FIRRM: variants seen among roughly 807,000 people sequenced by gnomAD.
FIRRM encodes the protein FIGNL1-interacting regulator of recombination and mitosis.
At chr1:169,842,035 G>A in the FIRRM span, among the ~76,000 whole-genome samples, 14 of 152,044 alleles carry the variant, frequency 9.2e-5, no homozygotes, top group Non-Finnish European at 2.1e-4. Context: ...AAATTAGCTC[G>A]TGTGGTGGTA....
At chr1:169,803,059 A>G in the FIRRM span, 1 of 929,990 alleles carries the variant, frequency 1.1e-6, no homozygotes, top group Non-Finnish European at 1.6e-6. Context: ...GAAAAGAGGA[A>G]GAGACTGTGT....
the FIRRM span, chr1:169,794,772 C>G: frequency 1.5e-5 from 3 of 201,240 alleles, no homozygotes; most frequent in Non-Finnish European, 3.1e-5. Context: ...GACTTCTGGC[C>G]CTCACCTCCC....
At chr1:169,852,609 T>TAAACC in the FIRRM span, 18 of 624,382 alleles carry the variant, frequency 2.9e-5, no homozygotes, top group Admixed American at 5.0e-4. Flanking sequence ...ATTGCTATGA[T>TAAACC]AAACCAAAAT....
At chr1:169,793,937 T>A in the FIRRM span, 2 of 385,704 alleles carry the variant, frequency 5.2e-6, no homozygotes, top group East Asian at 4.3e-5. Context: ...AAAATGATGA[T>A]TAAAGCAAAA....
At chr1:169,830,637 A>C in the FIRRM span, 1 of 1,512,922 alleles carries the variant, frequency 6.6e-7, no homozygotes, top group Non-Finnish European at 9.2e-7. Context: ...ATGCAAGTTC[A>C]TCTCCTTATG....
the FIRRM span, chr1:169,826,032 T>G: frequency 3.7e-6 from 1 of 270,874 alleles, no homozygotes; most frequent in Non-Finnish European, 7.8e-6. Context: ...AACTGAGTAT[T>G]AATTCATAGT....
the FIRRM span, among the ~76,000 whole-genome samples, chr1:169,799,326 C>T: frequency 4.6e-5 from 7 of 152,136 alleles, no homozygotes; most frequent in Non-Finnish European, 1.0e-4. Flanking sequence ...TCTAAATTGC[C>T]AAAAGCTGAT....
At chr1:169,811,250 T>C in the FIRRM span, among the ~76,000 whole-genome samples, 1 of 152,224 alleles carries the variant, frequency 6.6e-6, no homozygotes, top group Non-Finnish European at 1.5e-5. Context: ...TTCCTACTTA[T>C]GTTTATATAA....
chr1:169,795,151 T>C, the FIRRM span: 3 of 1,536,026 alleles, frequency 2.0e-6, no homozygotes, highest in Non-Finnish European at 2.6e-6. Context: ...CCTGGAAGAA[T>C]TAAGTAGCTG....
chr1:169,819,426 C>G, the FIRRM span, among the ~76,000 whole-genome samples: 2 of 152,188 alleles, frequency 1.3e-5, no homozygotes, highest in African/African-American at 4.8e-5. Flanking sequence ...TATACCAAAG[C>G]TCTGTGAAGT....
the FIRRM span, chr1:169,827,862 A>G: frequency 6.2e-7 from 1 of 1,612,438 alleles, no homozygotes; most frequent in African/African-American, 1.3e-5. Context: ...GTTTTTATCC[A>G]GTCATATTAC....
At chr1:169,829,434 A>G in the FIRRM span, 1 of 1,611,588 alleles carries the variant, frequency 6.2e-7, no homozygotes, top group Non-Finnish European at 8.5e-7. Context: ...TTCATCCCTC[A>G]CTGTTTGCTG....
At chr1:169,798,931 C>A in the FIRRM span, 2 of 1,331,032 alleles carry the variant, frequency 1.5e-6, no homozygotes, top group Non-Finnish European at 2.1e-6. Flanking sequence ...ATTGTCTCAA[C>A]ATTCTGACAG....
the FIRRM span, chr1:169,830,604 C>A: frequency 8.1e-7 from 1 of 1,241,978 alleles, no homozygotes; most frequent in Non-Finnish European, 1.2e-6. Flanking sequence ...TTTTAATGTC[C>A]TCATCAGAAT....
chr1:169,789,811 A>C, the FIRRM span, among the ~76,000 whole-genome samples: 9 of 152,216 alleles, frequency 5.9e-5, no homozygotes, highest in African/African-American at 2.2e-4. Flanking sequence ...ATTTTTAACA[A>C]AAGTGAGCAG....
the FIRRM span, among the ~76,000 whole-genome samples, chr1:169,820,971 T>C: frequency 2.0e-5 from 3 of 152,228 alleles, no homozygotes; most frequent in African/African-American, 4.8e-5. Context: ...ATATGTCACA[T>C]TGCATACCTA....
chr1:169,806,330 A>G, the FIRRM span, among the ~76,000 whole-genome samples: 1 of 152,258 alleles, frequency 6.6e-6, no homozygotes, highest in South Asian at 2.1e-4. Context: ...TTCAGAAATA[A>G]TGGGCCATGG....
the FIRRM span, chr1:169,800,982 A>G: frequency 1.9e-5 from 27 of 1,395,664 alleles, no homozygotes; most frequent in Admixed American, 3.7e-5. Flanking sequence ...GTATAATACT[A>G]TTACCTGAAA....
At chr1:169,823,303 G>T in the FIRRM span, 1 of 580,548 alleles carries the variant, frequency 1.7e-6, no homozygotes, top group Admixed American at 3.1e-5. Context: ...TTTTTAAAAG[G>T]GGTCACATTC....
Sources: allele counts gnomAD v4.1 joint callset (sites outside exome capture counted in the v4.1 genomes callset), GRCh38; gene constraint gnomAD v4.1.1; transcripts MANE v1.5; gene names NCBI Gene and HGNC (gene_info 2026-07-23, HGNC 2026-07-21).